MGLL: variants seen among roughly 807,000 people sequenced by gnomAD.
MGLL encodes lysophospholipase homolog.
In MGLL, 7 loss-of-function variants were observed where a neutral mutation model predicts 29.1. That is an observed-to-expected ratio of 0.24 (90% CI 0.14 to 0.45). The LOEUF is 0.45. Among genes scored for constraint, MGLL ranks in the 20% least tolerant of loss-of-function variants. The pLI is 0.99. For missense variants in MGLL, 356 were observed against 413.6 expected (o/e 0.86, Z 1.21); for synonymous variants, 148 against 168.3 (o/e 0.88, Z 0.93).
chr3:127,801,675 A>G (rs905426873), intron 2 of MGLL, among the ~76,000 whole-genome samples: 1 of 151,988 alleles, frequency 6.6e-6, no homozygotes, highest in African/African-American at 2.4e-5. Flanking sequence ...AAAAGTTCAG[A>G]TGCATGCAAG....
intron 5 of MGLL, among the ~76,000 whole-genome samples, chr3:127,718,918 T>C (rs144637000): frequency 3.4e-4 from 52 of 152,332 alleles, no homozygotes; most frequent in African/African-American, 1.2e-3. Flanking sequence ...CCAAGAGTGA[T>C]GAAGCCTTCC....
intron 3 of MGLL, among the ~76,000 whole-genome samples, chr3:127,758,036 T>C (rs1359492706): frequency 1.3e-5 from 2 of 152,114 alleles, no homozygotes; most frequent in African/African-American, 4.8e-5. Context: ...ACGACCTCTG[T>C]CTCCTCTCCT....
intron 6 of MGLL, among the ~76,000 whole-genome samples, chr3:127,707,197 G>C (rs2075620462): frequency 6.6e-6 from 1 of 152,166 alleles, no homozygotes; most frequent in African/African-American, 2.4e-5. Flanking sequence ...CAGGAGATAA[G>C]CAGCTGAGGT....
intron 3 of MGLL, among the ~76,000 whole-genome samples, chr3:127,751,599 G>C (rs1350989639): frequency 2.6e-5 from 4 of 151,928 alleles, no homozygotes; most frequent in African/African-American, 9.7e-5. Context: ...GAACAGCCCA[G>C]CTGAGCCCAG....
intron 3 of MGLL, among the ~76,000 whole-genome samples, chr3:127,774,662 G>A (rs969561903): frequency 3.9e-5 from 6 of 152,172 alleles, no homozygotes; most frequent in Admixed American, 6.5e-5. Flanking sequence ...TCTAATAGAT[G>A]CCTGGCGTTG....
At chr3:127,694,329 GTGTATATATATGTATGTGTATATATA>G (rs2075311578) in intron 7 of MGLL, among the ~76,000 whole-genome samples, 1 of 94,578 alleles carries the variant, frequency 1.1e-5, no homozygotes, top group South Asian at 3.5e-4. Context: ...ATATATATAT[GTGTATATATATGTATGTGTATATATA>G]TGTGTATATA....
chr3:127,749,933 A>G (rs1018618925), intron 3 of MGLL, among the ~76,000 whole-genome samples: 1 of 152,174 alleles, frequency 6.6e-6, no homozygotes, highest in Non-Finnish European at 1.5e-5. Flanking sequence ...AGCAAGTTTG[A>G]AGATTCCAAT....
At chr3:127,806,793 G>A (rs1387770962) in intron 2 of MGLL, among the ~76,000 whole-genome samples, 5 of 152,228 alleles carry the variant, frequency 3.3e-5, no homozygotes, top group South Asian at 2.1e-4. Context: ...TTGGGAGGCC[G>A]AGGCGGGTGG....
chr3:127,731,771 G>A (rs1291658811), intron 3 of MGLL, among the ~76,000 whole-genome samples: 2 of 152,214 alleles, frequency 1.3e-5, no homozygotes, highest in African/African-American at 4.8e-5. Context: ...CTCCCCTGCA[G>A]GGCCCTGCGT....
At chr3:127,728,197 C>G (rs886324705) in intron 3 of MGLL, among the ~76,000 whole-genome samples, 10 of 152,166 alleles carry the variant, frequency 6.6e-5, no homozygotes, top group Non-Finnish European at 1.3e-4. Context: ...CTCACTTCTA[C>G]CCCATCTCCT....
intron 3 of MGLL, among the ~76,000 whole-genome samples, chr3:127,781,191 G>C (rs1248672384): frequency 6.6e-6 from 1 of 152,148 alleles, no homozygotes; most frequent in Admixed American, 6.6e-5. Context: ...ATGTATGTGT[G>C]TATGTGTGTT....
At chr3:127,735,952 G>T in intron 3 of MGLL, 1 of 1,472,220 alleles carries the variant, frequency 6.8e-7, no homozygotes, top group Non-Finnish European at 9.0e-7. Context: ...CTCTCTTAGA[G>T]TGCAAGCGTT....
chr3:127,799,368 GC>G (rs1336234623), intron 2 of MGLL: 1 of 152,182 alleles, frequency 6.6e-6, no homozygotes, highest in Non-Finnish European at 1.5e-5. Context: ...TCTGCACTTT[GC>G]CCTTTCTACC....
chr3:127,761,827 C>T lies in MGLL; in HGVS notation c.262+19962G>A, dbSNP rs2076770373. ...AGAGCTTCATTCTCAAATGCCCAGACAAGCACTAAATATGCGTAGTGCACC... is the reference window on the plus strand; with the variant it reads ...AGAGCTTCATTCTCAAATGCCCAGATAAGCACTAAATATGCGTAGTGCACC... On this transcript the variant is annotated intron_variant, in intron 3 of 7. Coordinates refer to ENST00000265052, the MANE Select transcript of MGLL (RefSeq NM_007283.7). This position sits in a 1 kb window ranked among gnomAD's most constrained non-coding sequence, Gnocchi z 4.6. Among the ~76,000 whole-genome samples, 1 of 152,224 alleles carries T rather than the reference C, an allele frequency of 6.6e-6. No individual in the cohort carries two copies.
chr3:127,810,061 C>T (rs2077634966), intron 2 of MGLL, among the ~76,000 whole-genome samples: 1 of 152,196 alleles, frequency 6.6e-6, no homozygotes, highest in South Asian at 2.1e-4. Context: ...GTTCCCAGCA[C>T]AGCCTATACA....
chr3:127,814,965 A>T (rs1050214147), intron 2 of MGLL, among the ~76,000 whole-genome samples: 1 of 152,244 alleles, frequency 6.6e-6, no homozygotes, highest in Non-Finnish European at 1.5e-5. Flanking sequence ...ACTAAAAATA[A>T]TGTCATTGCT....
At chr3:127,776,900 TG>T (rs1490775448) in intron 3 of MGLL, among the ~76,000 whole-genome samples, 1 of 152,152 alleles carries the variant, frequency 6.6e-6, no homozygotes, top group East Asian at 1.9e-4. Context: ...AGAAGGGTCT[TG>T]GGGGAGGGAG....
intron 3 of MGLL, among the ~76,000 whole-genome samples, chr3:127,745,543 G>A (rs1258339770): frequency 6.6e-6 from 1 of 152,170 alleles, no homozygotes; most frequent in Non-Finnish European, 1.5e-5. Flanking sequence ...CTGGAGGCGT[G>A]GAAGGATGGG....
intron 2 of MGLL, chr3:127,799,419 C>A (rs536376894): frequency 6.6e-6 from 1 of 152,358 alleles, no homozygotes; most frequent in Admixed American, 6.5e-5. Flanking sequence ...TCACCACTCA[C>A]CAGTCATGGG....
Sources: allele counts gnomAD v4.1 joint callset (sites outside exome capture counted in the v4.1 genomes callset), GRCh38; gene constraint gnomAD v4.1.1; non-coding constraint Gnocchi (gnomAD v3.1); transcripts MANE v1.5; gene names NCBI Gene and HGNC (gene_info 2026-07-23, HGNC 2026-07-21).